The following PTPRG variants were observed in gnomAD, a reference collection of about 807,000 sequenced individuals.
The protein encoded by PTPRG is receptor-type tyrosine-protein phosphatase gamma.
A neutral mutation model predicts 165.3 loss-of-function variants in PTPRG; 102 were observed. That is an observed-to-expected ratio of 0.62 (90% CI 0.53 to 0.73). PTPRG has a LOEUF of 0.73. PTPRG is among the 30% of genes least tolerant of loss of function. PTPRG has a pLI of 0.00. For missense variants in PTPRG, 1,866 were observed against 1,861.4 expected (o/e 1.00, Z -0.05); for synonymous variants, 675 against 669.5 (o/e 1.01, Z -0.13).
At chr3:61,696,174 T>C (rs527549264) in intron 1 of PTPRG, among the ~76,000 whole-genome samples, 16 of 152,262 alleles carry the variant, frequency 1.1e-4, no homozygotes, top group African/African-American at 3.6e-4. Context: ...ATTTTGTTGT[T>C]GTTGCAAATT....
intron 2 of PTPRG, among the ~76,000 whole-genome samples, chr3:61,959,858 C>T (rs76312611): frequency 1.3e-5 from 2 of 152,042 alleles, no homozygotes; most frequent in African/African-American, 4.8e-5. Flanking sequence ...TCTTCTTTGC[C>T]CTTTAAGAGA....
At chr3:62,227,457 T>A (rs1384668668) in intron 13 of PTPRG, among the ~76,000 whole-genome samples, 1 of 152,232 alleles carries the variant, frequency 6.6e-6, no homozygotes, top group African/African-American at 2.4e-5. Flanking sequence ...CACCTTATGT[T>A]ATTTAATCCT....
At chr3:61,597,899 C>G (rs557737243) in intron 1 of PTPRG, among the ~76,000 whole-genome samples, 4 of 152,142 alleles carry the variant, frequency 2.6e-5, no homozygotes, top group Non-Finnish European at 5.9e-5. Flanking sequence ...GAGTATAAAA[C>G]AAAGCTAAAC....
At chr3:62,107,573 T>A (rs574427169) in intron 5 of PTPRG, among the ~76,000 whole-genome samples, 1 of 152,348 alleles carries the variant, frequency 6.6e-6, no homozygotes, top group Non-Finnish European at 1.5e-5. Flanking sequence ...TCCATGTGAA[T>A]TGAATTTTGA....
intron 6 of PTPRG, among the ~76,000 whole-genome samples, chr3:62,138,747 A>G (rs903327289): frequency 2.6e-5 from 4 of 151,854 alleles, no homozygotes; most frequent in African/African-American, 9.7e-5. Flanking sequence ...GAAAGACGAA[A>G]TACATGTGCA....
At position 62,255,914 on chromosome 3, in the gene PTPRG, C is replaced by T. The variant is rs1199357324; in HGVS notation, c.2559+699C>T. 6.6e-6 allele frequency among the ~76,000 whole-genome samples: 1 copy of T among 152,126 alleles called. No homozygotes were observed. Among genetic ancestry groups the T allele is most frequent in the Non-Finnish European group, 1.5e-5 (1 of 68,034 alleles). Reference sequence around the variant, plus strand: ...AGAGAGGCATGTACCACCCTGCCAACTCTGGGTTCTGTGCCAGTTCAGCAG... The same window carrying T: ...AGAGAGGCATGTACCACCCTGCCAATTCTGGGTTCTGTGCCAGTTCAGCAG... On this transcript the variant is annotated intron_variant, in intron 16 of 29. Transcript: ENST00000474889. This position sits in a 1 kb window ranked among gnomAD's most constrained non-coding sequence, Gnocchi z 4.0.
rs1701451191 is a variant in PTPRG at position 62,252,760 on chromosome 3, G to A, written c.2468-2364G>A. ...TATTCATCTCAGTATAAAGAAAAGA[G>A]ATTTATGACTCCTCAGCTATTTATC... is the stretch of plus-strand genomic sequence containing the variant. On this transcript the variant is annotated intron_variant, in intron 15 of 29. Coordinates refer to ENST00000474889, the MANE Select transcript of PTPRG (RefSeq NM_002841.4). This position sits in a 1 kb window ranked among gnomAD's most constrained non-coding sequence, Gnocchi z 4.6. Among the ~76,000 whole-genome samples, 1 of 152,206 alleles carries A rather than the reference G, an allele frequency of 6.6e-6. No homozygotes were observed.
intron 4 of PTPRG, among the ~76,000 whole-genome samples, chr3:62,014,778 G>C (rs948347358): frequency 6.6e-6 from 1 of 152,166 alleles, no homozygotes; most frequent in African/African-American, 2.4e-5. Flanking sequence ...TTTATTGGAA[G>C]GGTATAAGTG....
intron 6 of PTPRG, among the ~76,000 whole-genome samples, chr3:62,135,526 CATT>C (rs989992343): frequency 2.4e-4 from 37 of 152,148 alleles, no homozygotes; most frequent in African/African-American, 8.4e-4. Flanking sequence ...GTTAATTTCT[CATT>C]AATTTTTTTT....
chr3:62,292,811 G>T, intron 29 of PTPRG: 1 of 494,562 alleles, frequency 2.0e-6, no homozygotes, highest in Non-Finnish European at 3.5e-6. Context: ...AATGTCAGTA[G>T]TGCTCAGGTT....
chr3:62,157,678 C>T (rs1028657216), intron 7 of PTPRG, among the ~76,000 whole-genome samples: 3 of 152,162 alleles, frequency 2.0e-5, no homozygotes, highest in Admixed American at 1.3e-4. Context: ...GGAGATCAAG[C>T]CACACAGAAG....
intron 2 of PTPRG, among the ~76,000 whole-genome samples, chr3:61,817,016 T>C (rs1221001118): frequency 9.2e-6 from 1 of 108,272 alleles, no homozygotes; most frequent in Non-Finnish European, 1.8e-5. Flanking sequence ...TAAATATATA[T>C]ACTATATAAT....
chr3:61,964,795 C>T (rs536486241), intron 2 of PTPRG, among the ~76,000 whole-genome samples: 2 of 151,970 alleles, frequency 1.3e-5, no homozygotes, highest in East Asian at 1.9e-4. Context: ...TTTGATGAGT[C>T]GCTGGGTAGT....
In PTPRG at chr3:61,807,082, C is replaced by T. The variant is rs571463262; in HGVS notation, c.190+58100C>T. 1.9e-4 allele frequency among the ~76,000 whole-genome samples: 29 copies of T among 152,020 alleles called. 1 individual carries two copies. In the South Asian group the frequency reaches 5.4e-3, roughly 28 times the overall value. On this transcript the variant is annotated intron_variant, in intron 2 of 29. Transcript: ENST00000474889. ...GAGGACAATTCAGGATATTGTATTT[C>T]GAAAAAGGGAAAGAGAAGCCATTCA...
At chr3:62,167,931 G>GC in intron 7 of PTPRG, 40 bp from the exon 8 acceptor site, 1 of 1,422,280 alleles carries the variant, frequency 7.0e-7, no homozygotes, top group Non-Finnish European at 9.7e-7. Context: ...TTTTTGTGTT[G>GC]TTTTTTTTTT....
intron 1 of PTPRG, 125 bp downstream of exon 1, chr3:61,562,497 G>A: frequency 1.2e-6 from 1 of 818,848 alleles, no homozygotes. Context: ...GGGTGGCCCG[G>A]CGCCCGGATA....
chr3:61,863,868 A>G (rs1357271689), intron 2 of PTPRG, among the ~76,000 whole-genome samples: 1 of 152,216 alleles, frequency 6.6e-6, no homozygotes, highest in Non-Finnish European at 1.5e-5. Flanking sequence ...GGTTGAGGGA[A>G]TGACCTAGTA....
intron 1 of PTPRG, among the ~76,000 whole-genome samples, chr3:61,681,251 T>C (rs1008271278): frequency 3.3e-5 from 5 of 152,182 alleles, no homozygotes; most frequent in Non-Finnish European, 7.4e-5. Context: ...ATCTGTTAAA[T>C]AGGCAGTTAA....
At chr3:61,838,756 G>C (rs1259359214) in intron 2 of PTPRG, among the ~76,000 whole-genome samples, 1 of 152,138 alleles carries the variant, frequency 6.6e-6, no homozygotes, top group Non-Finnish European at 1.5e-5. Flanking sequence ...CACTCTCCCT[G>C]AGCTTTTTCT....
Sources: gnomAD v4.1 joint callset for allele counts (sites outside exome capture counted in the v4.1 genomes callset) on GRCh38, gnomAD v4.1.1 for gene constraint, Gnocchi (gnomAD v3.1) non-coding constraint, MANE v1.5 for transcripts, NCBI Gene and HGNC (gene_info 2026-07-23, HGNC 2026-07-21) for gene names.